FHL2: variants seen among roughly 807,000 people sequenced by gnomAD.
The protein encoded by FHL2 is four and a half LIM domains protein 2.
FHL2 carries 20 observed loss-of-function variants against 32.7 expected under a neutral mutation model. The observed-to-expected ratio is 0.61, with a 90% CI of 0.43 to 0.89. The LOEUF (loss-of-function observed/expected upper bound fraction) is 0.89. FHL2 is among the 40% of genes least tolerant of loss of function. FHL2 has a pLI of 0.00. For missense variants in FHL2, 311 were observed against 358.6 expected (o/e 0.87, Z 1.07); for synonymous variants, 123 against 128.1 (o/e 0.96, Z 0.27).
intron 1 of FHL2, among the ~76,000 whole-genome samples, chr2:105,410,074 G>C (rs962967986): frequency 6.6e-6 from 1 of 152,234 alleles, no homozygotes; most frequent in East Asian, 1.9e-4. Context: ...CAGAAGGCTG[G>C]ACCCAGACAG....
intron 1 of FHL2, among the ~76,000 whole-genome samples, chr2:105,423,472 T>C (rs1391829046): frequency 6.6e-6 from 1 of 152,236 alleles, no homozygotes; most frequent in Non-Finnish European, 1.5e-5. Context: ...ACAGTATTTT[T>C]AGCTATTTGA....
At position 105,410,723 on chromosome 2, in the gene FHL2, C is replaced by G. The variant is rs989148272; in HGVS notation, c.-24-24183G>C. Among the ~76,000 whole-genome samples the G allele has an allele frequency of 1.1e-4, 16 of 152,130 alleles. 1 individual carries two copies. The highest frequency in any genetic ancestry group is 3.9e-4 in the African/African-American group (16 of 41,430). On this transcript the variant is annotated intron_variant, in intron 1 of 5. Transcript: ENST00000393352. ...GTGTGGTATGTGCGTCTTCCTGTATCAGCTTGTGTTTCTCTTATGCTGGAG... is the reference window on the plus strand; with the variant it reads ...GTGTGGTATGTGCGTCTTCCTGTATGAGCTTGTGTTTCTCTTATGCTGGAG...
At chr2:105,359,544 G>C (rs1479085272), downstream of FHL2, 2 of 152,026 alleles carry the variant, frequency 1.3e-5, no homozygotes, top group African/African-American at 4.8e-5. Context: ...CATTGTCTTA[G>C]AAAACTAAGG....
intron 2 of FHL2, among the ~76,000 whole-genome samples, chr2:105,394,098 T>C (rs1431244399): frequency 6.6e-6 from 1 of 152,210 alleles, no homozygotes; most frequent in Non-Finnish European, 1.5e-5. Context: ...CACCTGGAAA[T>C]GTGCTCAGAG....
intron 4 of FHL2, among the ~76,000 whole-genome samples, chr2:105,372,661 C>T (rs551661922): frequency 2.2e-4 from 34 of 152,018 alleles, no homozygotes; most frequent in Admixed American, 1.2e-3. Context: ...TGGTGGTGCA[C>T]GCCTGTAGTC....
intron 3 of FHL2, among the ~76,000 whole-genome samples, chr2:105,383,053 T>C (rs943860370): frequency 1.3e-5 from 2 of 152,186 alleles, no homozygotes; most frequent in African/African-American, 2.4e-5. Flanking sequence ...ACCCAGCTTA[T>C]TTTTGTATTT....
chr2:105,390,812 T>G (rs36033500), intron 2 of FHL2, among the ~76,000 whole-genome samples: 39,357 of 150,910 alleles, frequency 0.26, 5,153 homozygotes, highest in African/African-American at 0.29. Flanking sequence ...TTTTTTTTTT[T>G]TTGAGACAGA....
chr2:105,422,450 T>A (rs536784787), intron 1 of FHL2, among the ~76,000 whole-genome samples: 3 of 152,154 alleles, frequency 2.0e-5, no homozygotes, highest in African/African-American at 7.2e-5. Flanking sequence ...GTGGATCACA[T>A]ATAAGAGAAA....
intron 2 of FHL2, among the ~76,000 whole-genome samples, chr2:105,395,106 G>A (rs1352384964): frequency 6.6e-6 from 1 of 152,232 alleles, no homozygotes; most frequent in Non-Finnish European, 1.5e-5. Flanking sequence ...GGGAAGCTGA[G>A]ATAAAACACA....
At chr2:105,391,947 T>C (rs543043286) in intron 2 of FHL2, among the ~76,000 whole-genome samples, 2 of 152,334 alleles carry the variant, frequency 1.3e-5, no homozygotes, top group African/African-American at 4.8e-5. Flanking sequence ...AAATTCCAAA[T>C]CACAGTTTCC....
chr2:105,363,463 G>A lies in FHL2; in HGVS notation c.510C>T (p.Thr170=). The A allele has an allele frequency of 6.2e-7, 1 of 1,608,114 alleles. No individual in the cohort carries two copies. The highest frequency in any genetic ancestry group is 8.5e-7 in the Non-Finnish European group (1 of 1,177,232). The change falls in exon 6 of 7, where the codon ACC becomes ACT. Residue 170 remains threonine, a synonymous_variant. Coordinates refer to ENST00000530340, the MANE Select transcript of FHL2 (RefSeq NM_001318895.3). ...MQCVQCKKPI[T]TGGVTYREQP... ...GCTCCCGGTAAGTGACCCCTCCCGT[G>A]GTGATGGGCTGCAGGGACGAGGGGG... is the stretch of plus-strand genomic sequence containing the variant.
intron 5 of FHL2, among the ~76,000 whole-genome samples, chr2:105,364,696 T>C (rs1391376147): frequency 6.6e-6 from 1 of 152,156 alleles, no homozygotes; most frequent in Non-Finnish European, 1.5e-5. Flanking sequence ...AATCACACTT[T>C]TTTGCTTTTT....
chr2:105,398,723 G>C, intron 1 of FHL2, 119 bp downstream of exon 1: 1 of 744,402 alleles, frequency 1.3e-6, no homozygotes, highest in South Asian at 4.3e-5. Flanking sequence ...CCCAGGGTTC[G>C]GCTCTCCTCT....
intron 3 of FHL2, 111 bp from the exon 4 acceptor site, chr2:105,373,844 G>A (rs984974922): frequency 1.4e-5 from 14 of 1,032,566 alleles, no homozygotes; most frequent in African/African-American, 9.5e-5. Flanking sequence ...AAGTTGGGCC[G>A]AGGCACCCTG....
intron 2 of FHL2, among the ~76,000 whole-genome samples, chr2:105,392,380 G>A (rs1042189631): frequency 6.6e-6 from 1 of 152,152 alleles, no homozygotes; most frequent in African/African-American, 2.4e-5. Context: ...AGGCTGAGGT[G>A]GGAGGATCTT....
intron 4 of FHL2, among the ~76,000 whole-genome samples, chr2:105,371,364 T>G (rs1681050024): frequency 6.6e-6 from 1 of 152,160 alleles, no homozygotes; most frequent in Non-Finnish European, 1.5e-5. Context: ...TAAGGGCAAC[T>G]AATTCTTCTC....
At chr2:105,419,719 G>A (rs1470858563) in intron 1 of FHL2, among the ~76,000 whole-genome samples, 1 of 152,142 alleles carries the variant, frequency 6.6e-6, no homozygotes, top group East Asian at 1.9e-4. Context: ...TAAACTCCTG[G>A]GTCTAACAGC....
At chr2:105,370,560 G>T (rs1680987138) in intron 4 of FHL2, among the ~76,000 whole-genome samples, 1 of 152,130 alleles carries the variant, frequency 6.6e-6, no homozygotes, top group Non-Finnish European at 1.5e-5. Flanking sequence ...TTGGTCATCA[G>T]GAAACTGACT....
At chr2:105,406,407 T>C (rs571180221) in intron 1 of FHL2, among the ~76,000 whole-genome samples, 1 of 152,054 alleles carries the variant, frequency 6.6e-6, no homozygotes, top group African/African-American at 2.4e-5. Context: ...CCATCAGATA[T>C]CTGAACTATT....
Sources: gnomAD v4.1 joint callset for allele counts (sites outside exome capture counted in the v4.1 genomes callset) on GRCh38, gnomAD v4.1.1 for gene constraint, MANE v1.5 for transcripts, NCBI Gene and HGNC (gene_info 2026-07-23, HGNC 2026-07-21) for gene names.